Variants in PCDH9 observed in about 807,000 individuals in gnomAD.
PCDH9 encodes protocadherin 9.
A neutral mutation model predicts 70.6 loss-of-function variants in PCDH9; 24 were observed. The observed-to-expected ratio is 0.34, with a 90% confidence interval of 0.25 to 0.48. The LOEUF is 0.48. Ranked by LOEUF, PCDH9 falls within the 20% of genes least tolerant of loss-of-function variation. PCDH9 has a pLI of 0.99. For missense variants in PCDH9, 1,281 were observed against 1,503.6 expected (o/e 0.85, Z 2.45); for synonymous variants, 562 against 558.5 (o/e 1.01, Z -0.09).
rs576977828 is a variant in PCDH9 at position 66,334,124 on chromosome 13, A to G, written c.3341-29096T>C. Among the ~76,000 whole-genome samples, 9 of 152,220 alleles carry G rather than the reference A, an allele frequency of 5.9e-5. No individual in the cohort carries two copies. In the South Asian group the frequency reaches 1.0e-3, roughly 18 times the overall value. On this transcript the variant is annotated intron_variant, in intron 4 of 4. Coordinates refer to ENST00000377865, the MANE Select transcript of PCDH9 (RefSeq NM_203487.3). ...GTCGCTCTACTGTGCTATCAAACAC[A>G]TACTACTTATTTCTTCTATCAAACT...
chr13:66,631,506 A>G, intron 3 of PCDH9, 95 bp from the exon 4 acceptor site: 1 of 707,122 alleles, frequency 1.4e-6, no homozygotes, highest in South Asian at 1.7e-5. Flanking sequence ...AACAAGTAAC[A>G]CAATGTAAAA....
intron 3 of PCDH9, among the ~76,000 whole-genome samples, chr13:66,843,261 C>T (rs2081147230): frequency 6.6e-6 from 1 of 152,166 alleles, no homozygotes; most frequent in African/African-American, 2.4e-5. Flanking sequence ...AACCTCCCAA[C>T]ATCACCAACA....
chr13:66,982,212 T>C (rs1594346722), intron 2 of PCDH9, among the ~76,000 whole-genome samples: 1 of 152,208 alleles, frequency 6.6e-6, no homozygotes, highest in African/African-American at 2.4e-5. Context: ...GAGGTCTCCC[T>C]AGAAACCGAG....
At chr13:66,835,717 A>G (rs551139975) in intron 3 of PCDH9, among the ~76,000 whole-genome samples, 1 of 152,278 alleles carries the variant, frequency 6.6e-6, no homozygotes, top group Non-Finnish European at 1.5e-5. Context: ...TTTACAACCA[A>G]TGGACTTCAT....
At chr13:66,907,485 T>C (rs1332892654) in intron 2 of PCDH9, among the ~76,000 whole-genome samples, 1 of 152,208 alleles carries the variant, frequency 6.6e-6, no homozygotes, top group Non-Finnish European at 1.5e-5. Flanking sequence ...TGTATTGCAA[T>C]ATGTGGATAA....
intron 4 of PCDH9, among the ~76,000 whole-genome samples, chr13:66,406,882 A>AT (rs1472380369): frequency 2.0e-5 from 3 of 152,152 alleles, no homozygotes; most frequent in African/African-American, 7.2e-5. Context: ...GATATCATCA[A>AT]TTTTTTTGTT....
At chr13:66,865,798 TG>T (rs1274118010) in intron 3 of PCDH9, among the ~76,000 whole-genome samples, 1 of 152,224 alleles carries the variant, frequency 6.6e-6, no homozygotes, top group Non-Finnish European at 1.5e-5. Context: ...TCTTGAATTA[TG>T]GCAGCTGTAA....
chr13:66,783,093 G>A (rs1379782493), intron 3 of PCDH9, among the ~76,000 whole-genome samples: 1 of 152,084 alleles, frequency 6.6e-6, no homozygotes, highest in Non-Finnish European at 1.5e-5. Flanking sequence ...CTACTTCTCT[G>A]CATGCTACTT....
At chr13:66,692,667 T>A (rs2078504848) in intron 3 of PCDH9, among the ~76,000 whole-genome samples, 1 of 152,048 alleles carries the variant, frequency 6.6e-6, no homozygotes, top group South Asian at 2.1e-4. Flanking sequence ...ATACTCTTAA[T>A]TATGGTATAA....
chr13:66,411,358 C>G (rs182510264), intron 4 of PCDH9, among the ~76,000 whole-genome samples: 17 of 152,308 alleles, frequency 1.1e-4, no homozygotes, highest in East Asian at 1.9e-4. Flanking sequence ...GTGATCACAG[C>G]TCACTGCAGC....
intron 3 of PCDH9, among the ~76,000 whole-genome samples, chr13:66,849,517 T>TATATATATAGAGAGAGAGAGAGAG (rs1272589939): frequency 4.7e-5 from 3 of 63,582 alleles, no homozygotes; most frequent in African/African-American, 2.5e-4. Context: ...TATATATATA[T>TATATATATAGAGAGAGAGAGAGAG]AGAGAGAGAG....
chr13:66,738,112 G>T (rs866790999), intron 3 of PCDH9, among the ~76,000 whole-genome samples: 1 of 152,186 alleles, frequency 6.6e-6, no homozygotes, highest in Non-Finnish European at 1.5e-5. Context: ...TTTGAAGAGA[G>T]CAGTGGTTCT....
At chr13:66,363,006 C>T (rs543051574) in intron 4 of PCDH9, among the ~76,000 whole-genome samples, 2 of 152,052 alleles carry the variant, frequency 1.3e-5, no homozygotes, top group African/African-American at 4.8e-5. Context: ...CATGGAGAAA[C>T]CTTGTCTCTA....
chr13:66,989,639 C>T (rs1237150040), intron 2 of PCDH9, among the ~76,000 whole-genome samples: 1 of 151,776 alleles, frequency 6.6e-6, no homozygotes. Context: ...TCACTTTATT[C>T]ATGAATAATG....
chr13:66,450,405 G>T (rs1958181655), intron 4 of PCDH9, among the ~76,000 whole-genome samples: 1 of 152,162 alleles, frequency 6.6e-6, no homozygotes, highest in South Asian at 2.1e-4. Flanking sequence ...ATTTTCTAGA[G>T]AACTATGAGT....
chr13:66,494,077 T>C (rs1959076544), intron 4 of PCDH9, among the ~76,000 whole-genome samples: 1 of 152,084 alleles, frequency 6.6e-6, no homozygotes, highest in Admixed American at 6.6e-5. Context: ...TAAATTGTAA[T>C]AGTTGAAAGA....
At chr13:66,596,575 A>C (rs2077105564) in intron 4 of PCDH9, among the ~76,000 whole-genome samples, 1 of 151,594 alleles carries the variant, frequency 6.6e-6, no homozygotes, top group Non-Finnish European at 1.5e-5. Flanking sequence ...TTTCTTTTTA[A>C]AATTTTACAT....
At chr13:66,563,535 T>G (rs2076607634) in intron 4 of PCDH9, among the ~76,000 whole-genome samples, 1 of 152,172 alleles carries the variant, frequency 6.6e-6, no homozygotes, top group African/African-American at 2.4e-5. Flanking sequence ...ATGCTTAAAA[T>G]AAAACCTGAT....
At chr13:67,184,254 A>C (rs2088691290) in intron 2 of PCDH9, among the ~76,000 whole-genome samples, 1 of 152,228 alleles carries the variant, frequency 6.6e-6, no homozygotes. Context: ...TAAGGCATAC[A>C]GCTTGTTTAA....
Sources: allele counts gnomAD v4.1 joint callset (sites outside exome capture counted in the v4.1 genomes callset), GRCh38; gene constraint gnomAD v4.1.1; transcripts MANE v1.5; gene names NCBI Gene and HGNC (gene_info 2026-07-23, HGNC 2026-07-21).